Variants in NKAIN3 observed in about 807,000 individuals in gnomAD.
The protein encoded by NKAIN3 is sodium/potassium transporting ATPase interacting 3, also known as sodium/potassium-transporting ATPase subunit beta-1-interacting protein 3.
A neutral mutation model predicts 30.2 loss-of-function variants in NKAIN3; 25 were observed. That is an observed-to-expected ratio of 0.83 (90% CI 0.60 to 1.16). NKAIN3 has a LOEUF of 1.16. Among genes scored for constraint, NKAIN3 ranks in the 50% most tolerant of loss-of-function variants. The probability of loss-of-function intolerance (pLI) is 0.00; values close to 1 mark genes in which losing one functional copy is unlikely to be tolerated. For synonymous variants in NKAIN3, 91 were observed against 89.6 expected (o/e 1.02, Z -0.09); for missense variants, 225 against 254.1 (o/e 0.89, Z 0.78).
chr8:62,910,886 A>T (rs1482817202), intron 4 of NKAIN3, among the ~76,000 whole-genome samples: 1 of 152,116 alleles, frequency 6.6e-6, no homozygotes, highest in Non-Finnish European at 1.5e-5. Context: ...AGACGTTCTC[A>T]TCAATCCTCA....
chr8:62,568,692 C>G (rs1381562186), intron 1 of NKAIN3, among the ~76,000 whole-genome samples: 2 of 152,124 alleles, frequency 1.3e-5, no homozygotes, highest in Admixed American at 1.3e-4. Flanking sequence ...AATAGACTTG[C>G]CGCACAACAT....
intron 1 of NKAIN3, among the ~76,000 whole-genome samples, chr8:62,366,555 A>T (rs894244213): frequency 6.6e-6 from 1 of 152,012 alleles, no homozygotes; most frequent in Non-Finnish European, 1.5e-5. Flanking sequence ...GTATGTTTTA[A>T]TGTCTCCTTT....
intron 3 of NKAIN3, among the ~76,000 whole-genome samples, chr8:62,643,839 G>T (rs998368173): frequency 6.6e-6 from 1 of 151,992 alleles, no homozygotes; most frequent in Admixed American, 6.6e-5. Context: ...TATATAAGTT[G>T]TTGGATCTCT....
At chr8:62,761,850 CAG>C (rs1160948209) in intron 4 of NKAIN3, among the ~76,000 whole-genome samples, 7 of 152,166 alleles carry the variant, frequency 4.6e-5, no homozygotes, top group Non-Finnish European at 8.8e-5. Flanking sequence ...TGTGTTAAGA[CAG>C]AGTTTATATT....
At chr8:62,569,656 T>G (rs760838082) in intron 1 of NKAIN3, among the ~76,000 whole-genome samples, 103 of 151,808 alleles carry the variant, frequency 6.8e-4, no homozygotes, top group Non-Finnish European at 1.2e-3. Flanking sequence ...CATACCTGTA[T>G]TCCCAGCTGC....
chr8:62,810,458 A>G (rs1237208453), intron 4 of NKAIN3, among the ~76,000 whole-genome samples: 1 of 152,118 alleles, frequency 6.6e-6, no homozygotes, highest in Non-Finnish European at 1.5e-5. Context: ...TTTAAGGACA[A>G]CCACAAGTCA....
intron 4 of NKAIN3, chr8:62,855,928 C>T: frequency 1.3e-6 from 1 of 747,858 alleles, no homozygotes; most frequent in Non-Finnish European, 2.5e-6. Context: ...CGTGATGCTA[C>T]AACCTCCTTG....
At chr8:62,291,508 G>T (rs559394491) in intron 1 of NKAIN3, among the ~76,000 whole-genome samples, 44 of 152,242 alleles carry the variant, frequency 2.9e-4, no homozygotes, top group Middle Eastern at 3.4e-3. Flanking sequence ...CAGTAGTCAT[G>T]CAGGAGCAGG....
chr8:62,362,565 G>C (rs1373066107), intron 1 of NKAIN3, among the ~76,000 whole-genome samples: 1 of 152,134 alleles, frequency 6.6e-6, no homozygotes, highest in African/African-American at 2.4e-5. Flanking sequence ...CAGAACCCAA[G>C]AGAAACTGCA....
rs144468777 is a variant in NKAIN3 at position 62,970,930 on chromosome 8, G to C, written c.*5523G>C. Among the ~76,000 whole-genome samples, 332 of 152,206 alleles carry C rather than the reference G, an allele frequency of 2.2e-3. 1 individual carries two copies. Among genetic ancestry groups the C allele is most frequent in the African/African-American group, 7.6e-3 (317 of 41,534 alleles). ...CTTAGTCTATATTAGTTAGGATTAGGTTTACCTACAAGTAACAGAAAAAGA... is the reference window on the plus strand; with the variant it reads ...CTTAGTCTATATTAGTTAGGATTAGCTTTACCTACAAGTAACAGAAAAAGA... On this transcript the variant is annotated 3_prime_UTR_variant, in exon 7 of 7. Coordinates refer to ENST00000623646, the MANE Select transcript of NKAIN3 (RefSeq NM_001304533.3).
At chr8:62,703,510 A>G (rs1814412764) in intron 3 of NKAIN3, among the ~76,000 whole-genome samples, 2 of 152,238 alleles carry the variant, frequency 1.3e-5, no homozygotes, top group African/African-American at 2.4e-5. Flanking sequence ...CAATTTAATT[A>G]CTAATTACTT....
At chr8:62,860,838 A>G (rs1820217579) in intron 4 of NKAIN3, among the ~76,000 whole-genome samples, 1 of 152,200 alleles carries the variant, frequency 6.6e-6, no homozygotes, top group Non-Finnish European at 1.5e-5. Flanking sequence ...TCCAGACCAT[A>G]TATCCTAGAA....
chr8:62,504,635 AT>A (rs1807574109), intron 1 of NKAIN3, among the ~76,000 whole-genome samples: 1 of 152,016 alleles, frequency 6.6e-6, no homozygotes, highest in African/African-American at 2.4e-5. Flanking sequence ...TAAATGGAAA[AT>A]CAAACCATCC....
intron 4 of NKAIN3, among the ~76,000 whole-genome samples, chr8:62,797,081 T>C (rs1443838777): frequency 6.6e-6 from 1 of 152,256 alleles, no homozygotes; most frequent in Non-Finnish European, 1.5e-5. Context: ...TGTATGTGAC[T>C]TGATCTTTAT....
At chr8:62,864,247 A>G (rs1458643316) in intron 4 of NKAIN3, 2 of 827,982 alleles carry the variant, frequency 2.4e-6, no homozygotes, top group Non-Finnish European at 3.9e-6. Flanking sequence ...GGATTAGAGG[A>G]GGCGGCCGAG....
chr8:62,259,440 T>C (rs985002225), intron 1 of NKAIN3, among the ~76,000 whole-genome samples: 1 of 152,144 alleles, frequency 6.6e-6, no homozygotes, highest in Non-Finnish European at 1.5e-5. Flanking sequence ...TTAATCCCCA[T>C]TAAAACTAAT....
rs549917353 is a variant in NKAIN3, at chr8:62,626,638, G to A, written c.273+36844G>A. Among the ~76,000 whole-genome samples, 24 of 152,226 alleles carry A rather than the reference G, an allele frequency of 1.6e-4. 1 individual carries two copies. In the South Asian group the frequency reaches 4.6e-3, roughly 29 times the overall value. On this transcript the variant is annotated intron_variant, in intron 3 of 6. Coordinates refer to ENST00000623646, the MANE Select transcript of NKAIN3 (RefSeq NM_001304533.3). ...GCTTCACCTGCTAACTCTCAGGCAA[G>A]TTACTTAGCTGTGCCTCAGTGTTTT...
At chr8:62,532,345 G>C (rs1315239134) in intron 1 of NKAIN3, among the ~76,000 whole-genome samples, 1 of 152,026 alleles carries the variant, frequency 6.6e-6, no homozygotes, top group Non-Finnish European at 1.5e-5. Flanking sequence ...CCTATCCCCT[G>C]CCCAGTCCCC....
intron 3 of NKAIN3, among the ~76,000 whole-genome samples, chr8:62,647,208 T>A (rs1364351391): frequency 6.6e-6 from 1 of 152,216 alleles, no homozygotes; most frequent in Non-Finnish European, 1.5e-5. Context: ...CTTGCGATTC[T>A]GTAAGCAAAG....
Sources: gnomAD v4.1 joint callset for allele counts (sites outside exome capture counted in the v4.1 genomes callset) on GRCh38, gnomAD v4.1.1 for gene constraint, MANE v1.5 for transcripts, NCBI Gene and HGNC (gene_info 2026-07-23, HGNC 2026-07-21) for gene names.